SGCD: variants seen among roughly 807,000 people sequenced by gnomAD.
SGCD encodes sarcoglycan delta.
Under a neutral mutation model 36.6 loss-of-function variants are expected in SGCD, and 18 were observed. That is an observed-to-expected ratio of 0.49 (90% CI 0.34 to 0.73). The LOEUF (loss-of-function observed/expected upper bound fraction) is 0.73, where lower values mean the gene tolerates loss of function less well. Ranked by LOEUF, SGCD falls within the 30% of genes least tolerant of loss-of-function variation. The pLI is 0.01. For synonymous variants in SGCD, 133 were observed against 130.6 expected (o/e 1.02, Z -0.12); for missense variants, 387 against 346.7 (o/e 1.12, Z -0.92).
At chr5:156,012,928 T>A (rs1413753994) in intron 1 of SGCD, among the ~76,000 whole-genome samples, 3 of 150,232 alleles carry the variant, frequency 2.0e-5, no homozygotes, top group African/African-American at 7.3e-5. Flanking sequence ...TTTTTAATGA[T>A]TTATAGCATT....
chr5:156,224,308 G>T (rs1286941664), intron 3 of SGCD, among the ~76,000 whole-genome samples: 2 of 151,940 alleles, frequency 1.3e-5, no homozygotes, highest in Admixed American at 1.3e-4. Flanking sequence ...TTATCTTTCT[G>T]ATCATAACCT....
At position 156,062,556 on chromosome 5, in the gene SGCD, A is replaced by C. The variant is rs1173675924; in HGVS notation, c.-281-55322A>C. Among the ~76,000 whole-genome samples the C allele has an allele frequency of 2.1e-4, 22 of 103,992 alleles. 1 individual carries two copies. Among genetic ancestry groups the C allele is most frequent in the East Asian group, 1.3e-3 (5 of 3,996 alleles). 68.2% of individuals were successfully genotyped at this position (103,992 alleles called of 152,430 possible). A position where few individuals can be genotyped will look rare whatever the true frequency, so the allele number is the denominator to read the frequency against. ...TAGTTTACAGTCCCACCAACAGTGT[A>C]AAAGTGTTCCTATTTCTCCGCATCC... On this transcript the variant is annotated intron_variant, in intron 1 of 9. Transcript: ENST00000517913.
At chr5:155,976,724 G>A (rs1758120527) in intron 1 of SGCD, among the ~76,000 whole-genome samples, 1 of 152,086 alleles carries the variant, frequency 6.6e-6, no homozygotes. Flanking sequence ...GGATTCACAA[G>A]GACCAAGTGA....
At chr5:156,352,939 A>G (rs373638465) in intron 3 of SGCD, among the ~76,000 whole-genome samples, 13 of 152,342 alleles carry the variant, frequency 8.5e-5, no homozygotes, top group African/African-American at 3.1e-4. Flanking sequence ...TTTCATGAAG[A>G]CAAGTTGAAT....
At chr5:155,881,609 T>C (rs1755887766) in intron 1 of SGCD, among the ~76,000 whole-genome samples, 1 of 152,196 alleles carries the variant, frequency 6.6e-6, no homozygotes, top group Non-Finnish European at 1.5e-5. Context: ...GCAGCAATTT[T>C]GTAAGACAAC....
the SGCD span, among the ~76,000 whole-genome samples, chr5:155,833,114 C>G: frequency 6.7e-6 from 1 of 150,242 alleles, no homozygotes; most frequent in Non-Finnish European, 1.5e-5. Context: ...CCTGTAGTCA[C>G]AGCTGCTTGG....
chr5:156,079,726 C>G (rs938041804), intron 1 of SGCD, among the ~76,000 whole-genome samples: 5 of 152,336 alleles, frequency 3.3e-5, no homozygotes, highest in African/African-American at 1.2e-4. Flanking sequence ...AAGAGGTGGG[C>G]CCCTAAGGTC....
At chr5:156,392,050 T>C (rs1771598967) in intron 3 of SGCD, among the ~76,000 whole-genome samples, 1 of 152,232 alleles carries the variant, frequency 6.6e-6, no homozygotes. Context: ...ATTAGGAGTT[T>C]CTCAAATGCA....
the SGCD span, among the ~76,000 whole-genome samples, chr5:155,833,534 T>C: frequency 1.3e-5 from 2 of 152,166 alleles, no homozygotes; most frequent in African/African-American, 2.4e-5. Flanking sequence ...AAAGAATTGT[T>C]CTAAGTGCAT....
At chr5:155,813,756 G>T in the SGCD span, among the ~76,000 whole-genome samples, 1 of 152,158 alleles carries the variant, frequency 6.6e-6, no homozygotes, top group Admixed American at 6.5e-5. Flanking sequence ...GGGTCCATTT[G>T]TCTGGTAGCC....
chr5:155,749,962 G>A, the SGCD span, among the ~76,000 whole-genome samples: 1 of 152,146 alleles, frequency 6.6e-6, no homozygotes, highest in African/African-American at 2.4e-5. Flanking sequence ...CTTTGCTTTT[G>A]TTGAAGCTGT....
the SGCD span, among the ~76,000 whole-genome samples, chr5:155,796,390 C>CT: frequency 6.6e-6 from 1 of 152,000 alleles, no homozygotes; most frequent in African/African-American, 2.4e-5. Context: ...AATGTAAAAT[C>CT]TTTTTATCTA....
chr5:155,855,219 G>T, the SGCD span, among the ~76,000 whole-genome samples: 1 of 152,006 alleles, frequency 6.6e-6, no homozygotes, highest in Non-Finnish European at 1.5e-5. Context: ...CACCCCCCTC[G>T]GCAACTCTAC....
intron 1 of SGCD, among the ~76,000 whole-genome samples, chr5:156,071,875 C>T (rs1315975858): frequency 6.6e-6 from 1 of 152,080 alleles, no homozygotes; most frequent in Non-Finnish European, 1.5e-5. Flanking sequence ...ATCCCTTTAC[C>T]ATTATGTAAT....
intron 7 of SGCD, among the ~76,000 whole-genome samples, chr5:156,712,963 A>G (rs145876243): frequency 6.6e-6 from 1 of 152,294 alleles, no homozygotes; most frequent in African/African-American, 2.4e-5. Context: ...CTCTCTTGCC[A>G]TCATCTAGAG....
At chr5:155,837,979 T>C in the SGCD span, among the ~76,000 whole-genome samples, 3 of 152,140 alleles carry the variant, frequency 2.0e-5, no homozygotes, top group Admixed American at 1.3e-4. Context: ...TATGAAGAAA[T>C]GGAAACATAC....
chr5:156,581,802 T>G (rs1361294741), intron 4 of SGCD, among the ~76,000 whole-genome samples: 11 of 152,106 alleles, frequency 7.2e-5, no homozygotes, highest in Admixed American at 7.2e-4. Context: ...GATGGGAGGG[T>G]CCTGTTTTTC....
intron 3 of SGCD, among the ~76,000 whole-genome samples, chr5:156,427,536 C>T (rs1255601850): frequency 2.0e-5 from 3 of 151,970 alleles, no homozygotes; most frequent in Non-Finnish European, 1.5e-5. Context: ...CTTTCCTTCT[C>T]TTGTCTGATT....
the SGCD span, among the ~76,000 whole-genome samples, chr5:155,839,150 A>G: frequency 6.6e-6 from 1 of 152,212 alleles, no homozygotes; most frequent in Non-Finnish European, 1.5e-5. Flanking sequence ...ATAAAAGAAA[A>G]AAGAGTAAAG....
Sources: allele counts gnomAD v4.1 joint callset (sites outside exome capture counted in the v4.1 genomes callset), GRCh38; gene constraint gnomAD v4.1.1; transcripts MANE v1.5; gene names NCBI Gene and HGNC (gene_info 2026-07-23, HGNC 2026-07-21).